RARA: variants seen among roughly 807,000 people sequenced by gnomAD.
RARA encodes the protein PML-DDX5-RARA fusion.
Under a neutral mutation model 42.8 loss-of-function variants are expected in RARA, and 5 were observed. The ratio of observed to expected loss-of-function variants is 0.12; its 90% CI spans 0.06 to 0.25. The LOEUF (loss-of-function observed/expected upper bound fraction) is 0.25. Among genes scored for constraint, RARA ranks in the 10% least tolerant of loss-of-function variants. The pLI is 1.00. For synonymous variants in RARA, 256 were observed against 259.5 expected, an observed-to-expected ratio of 0.99 and a Z score of 0.13; for missense variants, 402 against 628.7, an observed-to-expected ratio of 0.64 and a Z score of 3.86.
chr17:40,338,309 C>T lies in RARA; in HGVS notation c.178+6913C>T, dbSNP rs191982442. Among the ~76,000 whole-genome samples the T allele has an allele frequency of 5.3e-5, 8 of 152,306 alleles. No individual in the cohort carries two copies. In the East Asian group the frequency reaches 1.2e-3, roughly 22 times the overall value. ...GCAGTGCCTTCTTCCTCCTCCTCCT[C>T]TGTGGAGTTGGGGCACAGCGAGGGA... On this transcript the variant is annotated intron_variant, in intron 2 of 8. Coordinates refer to ENST00000254066, the MANE Select transcript of RARA (RefSeq NM_000964.4).
chr17:40,342,281 C>G, intron 2 of RARA: 1 of 1,062,378 alleles, frequency 9.4e-7, no homozygotes, highest in Non-Finnish European at 1.1e-6. Flanking sequence ...CTGGAGAAGC[C>G]CCGGATCCCC....
At chr17:40,350,997 C>T (rs1001619563) in intron 4 of RARA, among the ~76,000 whole-genome samples, 2 of 151,826 alleles carry the variant, frequency 1.3e-5, no homozygotes, top group Non-Finnish European at 2.9e-5. Flanking sequence ...TCCCTCCCAC[C>T]GCCAACTCCC....
chr17:40,316,660 A>G (rs1478253682), intron 1 of RARA, among the ~76,000 whole-genome samples: 1 of 152,172 alleles, frequency 6.6e-6, no homozygotes, highest in Non-Finnish European at 1.5e-5. Flanking sequence ...ACCTGGGCAG[A>G]GCTCCCTGCT....
chr17:40,332,254 A>T (rs958842698), intron 2 of RARA, among the ~76,000 whole-genome samples: 1 of 151,428 alleles, frequency 6.6e-6, no homozygotes, highest in African/African-American at 2.4e-5. Flanking sequence ...GGCTGGGGGG[A>T]GGAGGGAGCC....
rs531673704 is a variant in RARA, at chr17:40,357,132, A to C, written c.*906A>C. 2.7e-4 allele frequency: 69 copies of C among 251,884 alleles called. 1 individual carries two copies. In the South Asian group the frequency reaches 7.2e-3, roughly 26 times the overall value. 15.6% of individuals were successfully genotyped at this position (251,884 alleles called of 1,614,324 possible). ...TGCCTGCACCCACCATGAGGCATGG[A>C]GCAGGGCAGAGCAAGGGCCCCGGGA... On this transcript the variant is annotated 3_prime_UTR_variant, in exon 9 of 9. Coordinates refer to ENST00000254066, the MANE Select transcript of RARA (RefSeq NM_000964.4).
chr17:40,334,033 G>T (rs543819122), intron 2 of RARA, among the ~76,000 whole-genome samples: 3 of 152,358 alleles, frequency 2.0e-5, no homozygotes, highest in African/African-American at 7.2e-5. Flanking sequence ...AGAGTTCCCA[G>T]ACACTCTGTC....
chr17:40,354,636 C>T lies in RARA; in HGVS notation c.1012+130C>T. The T allele has an allele frequency of 1.8e-6, 2 of 1,140,234 alleles. No individual in the cohort carries two copies. Among genetic ancestry groups the T allele is most frequent in the South Asian group, 3.1e-5 (2 of 64,868 alleles). 70.6% of individuals were successfully genotyped at this position (1,140,234 alleles called of 1,614,324 possible). On this transcript the variant is annotated intron_variant, in intron 7 of 8. Transcript: ENST00000254066. This position sits in a 1 kb window ranked among gnomAD's most constrained non-coding sequence, Gnocchi z 4.5. ...GGGCAGGGTCTGGTCTGCAACTACA[C>T]AGCAAGGGGGCCATGTGGGGCCTGG...
At position 40,357,628 on chromosome 17, in the gene RARA, A is replaced by G; in HGVS notation, c.*1402A>G. ...CTGAGATCTACTGGATAAAGAATAA[A>G]GTTCTATTTATTCTACACATGCCTC... On this transcript the variant is annotated 3_prime_UTR_variant, in exon 9 of 9. Transcript: ENST00000254066. 1 of 224,226 alleles carries G rather than the reference A, an allele frequency of 4.5e-6. No individual in the cohort carries two copies. Among genetic ancestry groups the G allele is most frequent in the Non-Finnish European group, 8.9e-6 (1 of 112,360 alleles). 13.9% of individuals were successfully genotyped at this position (224,226 alleles called of 1,614,324 possible). A position where few individuals can be genotyped will look rare whatever the true frequency, so the allele number is the denominator to read the frequency against.
intron 2 of RARA, 21 bp from the exon 3 acceptor site, chr17:40,348,295 C>A (rs762224992): frequency 1.4e-4 from 215 of 1,541,706 alleles, no homozygotes; most frequent in Non-Finnish European, 1.6e-4. Context: ...TCTAACTGCC[C>A]CTCCCCTCTT....
At chr17:40,337,024 G>C (rs1254155175) in intron 2 of RARA, among the ~76,000 whole-genome samples, 1 of 152,240 alleles carries the variant, frequency 6.6e-6, no homozygotes, top group East Asian at 1.9e-4. Flanking sequence ...GTAGGTGGGA[G>C]CTGGAGAGAA....
chr17:40,320,535 A>T lies in RARA; in HGVS notation c.-362-10322A>T, dbSNP rs1235316746. Among the ~76,000 whole-genome samples the T allele has an allele frequency of 6.6e-6, 1 of 152,086 alleles. No individual in the cohort carries two copies. Among genetic ancestry groups the T allele is most frequent in the African/African-American group, 2.4e-5 (1 of 41,412 alleles). On this transcript the variant is annotated intron_variant, in intron 1 of 8. Transcript: ENST00000254066. This position sits in a 1 kb window ranked among gnomAD's most constrained non-coding sequence, Gnocchi z 4.1. ...TAATGCGCGCCCCTTCCCCTAAACCATTTAGTCTTGGAAGCTGACTCTGCC... is the reference window on the plus strand; with the variant it reads ...TAATGCGCGCCCCTTCCCCTAAACCTTTTAGTCTTGGAAGCTGACTCTGCC...
Position 40,355,893 on chromosome 17 carries a change from C to A in RARA, c.1172-116C>A. On this transcript the variant is annotated intron_variant, in intron 8 of 8. Transcript: ENST00000254066. This position sits in a 1 kb window ranked among gnomAD's most constrained non-coding sequence, Gnocchi z 4.1. ...TGGCTCGTGTCAAAGAACTGAATCC[C>A]AAGAAAGATGCTAATATCAGCAGTA... 1.1e-6 allele frequency: 1 copy of A among 951,074 alleles called. No homozygotes were observed. The highest frequency in any genetic ancestry group is 2.6e-5 in the East Asian group (1 of 37,780). The allele number at this position is 951,074 out of a possible 1,614,324, so 58.9% of individuals were successfully genotyped here.
chr17:40,341,290 C>T (rs1043444816), intron 2 of RARA: 7 of 1,371,898 alleles, frequency 5.1e-6, no homozygotes, highest in Middle Eastern at 2.6e-4. Flanking sequence ...GCTTTGCTCG[C>T]CGGAAGCACG....
intron 1 of RARA, among the ~76,000 whole-genome samples, chr17:40,327,941 C>G (rs928467365): frequency 1.3e-5 from 2 of 151,644 alleles, no homozygotes; most frequent in Non-Finnish European, 2.9e-5. Context: ...GCCCTCTCAG[C>G]CTAGGAGGGA....
intron 1 of RARA, among the ~76,000 whole-genome samples, chr17:40,317,927 A>G (rs1403118708): frequency 1.3e-5 from 2 of 152,104 alleles, no homozygotes; most frequent in Admixed American, 6.5e-5. Flanking sequence ...TTGGGGGGAA[A>G]GGAGTGTAGG....
At chr17:40,342,158 G>GGGC in intron 2 of RARA, 2 of 1,029,510 alleles carry the variant, frequency 1.9e-6, no homozygotes, top group Non-Finnish European at 2.3e-6. Flanking sequence ...GGGTGGGGGG[G>GGGC]CCGTGGCGCG....
rs574358835 is a variant in RARA at position 40,345,521 on chromosome 17, C to T, written c.179-2795C>T. ...GGGGAATCCGGAGTGGAGCGCTCTG[C>T]GCCGCCCGCCCTGCCAGGATGGGGA... On this transcript the variant is annotated intron_variant, in intron 2 of 8. Transcript: ENST00000254066. This position sits in a 1 kb window ranked among gnomAD's most constrained non-coding sequence, Gnocchi z 4.8. Among the ~76,000 whole-genome samples, 23 of 152,346 alleles carry T rather than the reference C, an allele frequency of 1.5e-4. No individual in the cohort carries two copies. Among genetic ancestry groups the T allele is most frequent in the African/African-American group, 5.5e-4 (23 of 41,580 alleles).
chr17:40,341,773 C>G (rs960655327), intron 2 of RARA: 3 of 1,290,712 alleles, frequency 2.3e-6, no homozygotes, highest in Non-Finnish European at 2.9e-6. Context: ...ACCTCCTCCA[C>G]CACGGCTTCG....
rs186636638 is a variant in RARA at position 40,321,738 on chromosome 17, G to T, written c.-362-9119G>T. On this transcript the variant is annotated intron_variant, in intron 1 of 8. Transcript: ENST00000254066. ...GCTGCTGCCAGGCTGGCCCGCACCT[G>T]TTGCCAACCCCAGCCCTATAACTGG... Among the ~76,000 whole-genome samples the T allele has an allele frequency of 7.7e-4, 117 of 152,344 alleles. No homozygotes were observed. In the East Asian group the frequency reaches 8.1e-3, roughly 11 times the overall value.
Sources: allele counts gnomAD v4.1 joint callset (sites outside exome capture counted in the v4.1 genomes callset), GRCh38; gene constraint gnomAD v4.1.1; non-coding constraint Gnocchi (gnomAD v3.1); transcripts MANE v1.5; gene names NCBI Gene and HGNC (gene_info 2026-07-23, HGNC 2026-07-21).